The following BCL2 variants were observed in gnomAD, a reference collection of about 807,000 sequenced individuals.
BCL2 encodes apoptosis regulator Bcl-2.
Under a neutral mutation model 14.2 loss-of-function variants are expected in BCL2, and 1 was observed. The observed-to-expected ratio is 0.07, with a 90% confidence interval of 0.02 to 0.33. The LOEUF (loss-of-function observed/expected upper bound fraction) is 0.33. Ranked by LOEUF, BCL2 falls within the 10% of genes least tolerant of loss-of-function variation. The probability of loss-of-function intolerance (pLI) is 0.99; values close to 1 mark genes in which losing one functional copy is unlikely to be tolerated. For synonymous variants in BCL2, 151 were observed against 137.2 expected, an observed-to-expected ratio of 1.10 and a Z score of -0.70; for missense variants, 247 against 305.9, an observed-to-expected ratio of 0.81 and a Z score of 1.44.
At position 63,318,206 on chromosome 18, in the gene BCL2, C is replaced by T. The variant is rs2144321913; in HGVS notation, c.461G>A (p.Gly154Asp). Residue 154 changes from glycine to aspartate, a missense_variant, in exon 2 of 3, where the codon GGT becomes GAT. Gly to Asp is a moderately conservative substitution (Grantham distance 94). Transcript: ENST00000333681. The surrounding 1 kb of genome is among the most constrained non-coding windows in gnomAD (Gnocchi z 7.4). ...WGRIVAFFEF[G>D]GVMCVESVNR... ...GACGCTCTCCACACACATGACCCCA[C>T]CGAACTCAAAGAAGGCCACAATCCT... 1 of 1,614,224 alleles carries T rather than the reference C, an allele frequency of 6.2e-7. No individual in the cohort carries two copies. The highest frequency in any genetic ancestry group is 1.1e-5 in the South Asian group (1 of 91,088).
rs956723047 is a variant in BCL2, at chr18:63,129,906, C to T, written c.586-1147G>A. On this transcript the variant is annotated intron_variant, in intron 2 of 2. Transcript: ENST00000333681. The stretch of plus-strand genomic sequence containing the variant: ...TGGGGGTGGCTAGACTGGACGACCA[C>T]AACTCTGCATTTACTCAAATTGTGG... Among the ~76,000 whole-genome samples the T allele has an allele frequency of 3.3e-5, 5 of 152,166 alleles. No individual in the cohort carries two copies. The East Asian group carries it at 5.8e-4, about 18-fold the overall frequency.
chr18:63,292,316 C>A (rs1912675344), intron 2 of BCL2, among the ~76,000 whole-genome samples: 1 of 151,968 alleles, frequency 6.6e-6, no homozygotes, highest in Non-Finnish European at 1.5e-5. Context: ...TGGGACCATC[C>A]TGGCCTACCC....
At chr18:63,287,035 C>T (rs1035462668) in intron 2 of BCL2, among the ~76,000 whole-genome samples, 11 of 152,180 alleles carry the variant, frequency 7.2e-5, no homozygotes, top group African/African-American at 2.7e-4. Context: ...CCCTCTCCAG[C>T]GTTTTGCTTC....
At chr18:63,138,830 T>A (rs936443113) in intron 2 of BCL2, among the ~76,000 whole-genome samples, 2 of 152,216 alleles carry the variant, frequency 1.3e-5, no homozygotes, top group Admixed American at 1.3e-4. Context: ...CCAGGGAAGT[T>A]CTGGTGTGTT....
At chr18:63,281,503 A>C (rs1031319464) in intron 2 of BCL2, among the ~76,000 whole-genome samples, 1 of 151,694 alleles carries the variant, frequency 6.6e-6, no homozygotes, top group Non-Finnish European at 1.5e-5. Context: ...CTGTCTCTAC[A>C]AAAAAATACA....
chr18:63,219,170 T>C (rs995479263), intron 2 of BCL2, among the ~76,000 whole-genome samples: 3 of 152,204 alleles, frequency 2.0e-5, no homozygotes, highest in African/African-American at 4.8e-5. Context: ...ATTCTCCAAA[T>C]ATGGCTTGCA....
chr18:63,193,772 C>T (rs757378877), intron 2 of BCL2, among the ~76,000 whole-genome samples: 4 of 151,880 alleles, frequency 2.6e-5, no homozygotes, highest in Non-Finnish European at 2.9e-5. Context: ...GTATGGTGGT[C>T]CATATATCAA....
chr18:63,245,434 C>T (rs1361167127), intron 2 of BCL2, among the ~76,000 whole-genome samples: 2 of 152,216 alleles, frequency 1.3e-5, no homozygotes, highest in Non-Finnish European at 2.9e-5. Flanking sequence ...CACCTTCTCT[C>T]ACTGTAGATT....
intron 2 of BCL2, among the ~76,000 whole-genome samples, chr18:63,181,325 A>G (rs1472914435): frequency 1.3e-5 from 2 of 152,178 alleles, no homozygotes; most frequent in East Asian, 1.9e-4. Flanking sequence ...CACTGAAATC[A>G]TTAGAAAGAG....
At chr18:63,205,832 T>C (rs905779448) in intron 2 of BCL2, among the ~76,000 whole-genome samples, 5 of 152,142 alleles carry the variant, frequency 3.3e-5, no homozygotes, top group African/African-American at 1.2e-4. Flanking sequence ...CATGGGGATA[T>C]AGAGGCAGAA....
intron 2 of BCL2, among the ~76,000 whole-genome samples, chr18:63,249,890 G>C (rs1911258842): frequency 6.6e-6 from 1 of 151,996 alleles, no homozygotes; most frequent in South Asian, 2.1e-4. Flanking sequence ...AGGAATTAGA[G>C]GAGCAGGCCC....
chr18:63,318,482 G>A lies in BCL2; in HGVS notation c.185C>T (p.Ser62Phe), dbSNP rs747696230. The change falls in exon 2 of 3, where the codon TCC becomes TTC. Residue 62 changes from serine (S) to phenylalanine (F), a missense_variant. By Grantham distance (155) the Ser-to-Phe change is radical. Transcript: ENST00000333681. This position sits in a 1 kb window ranked among gnomAD's most constrained non-coding sequence, Gnocchi z 7.4. ...CGAGGTCCTGGCGACCGGGTCCCGG[G>A]ATGCGGCTGGATGGGGCGTGTGCCC... ...QPGHTPHPAA[S>F]RDPVARTSPL... 76 of 1,488,518 alleles carry A rather than the reference G, an allele frequency of 5.1e-5. No individual in the cohort carries two copies. Among genetic ancestry groups the A allele is most frequent in the Middle Eastern group, 3.7e-4 (2 of 5,372 alleles). 92.2% of individuals were successfully genotyped at this position (1,488,518 alleles called of 1,614,324 possible). A position where few individuals can be genotyped will look rare whatever the true frequency, so the allele number is the denominator to read the frequency against.
intron 2 of BCL2, among the ~76,000 whole-genome samples, chr18:63,204,492 A>G (rs1418730932): frequency 1.3e-5 from 2 of 152,204 alleles, no homozygotes; most frequent in African/African-American, 4.8e-5. Flanking sequence ...GACTCTCCCA[A>G]CAACCTGCTA....
At position 63,149,969 on chromosome 18, in the gene BCL2, TC is replaced by T. The variant is rs1459125500; in HGVS notation, c.586-21211del. Among the ~76,000 whole-genome samples the T allele has an allele frequency of 6.6e-6, 1 of 152,080 alleles. No individual in the cohort carries two copies. Among genetic ancestry groups the T allele is most frequent in the Non-Finnish European group, 1.5e-5 (1 of 68,024 alleles). On this transcript the variant is annotated intron_variant, in intron 2 of 2. Coordinates refer to ENST00000333681, the MANE Select transcript of BCL2 (RefSeq NM_000633.3). This position sits in a 1 kb window ranked among gnomAD's most constrained non-coding sequence, Gnocchi z 4.2. ...ATCTCGGCTCACTGCAGCCTCTGCC[TC>T]CCAGGTTCAAGCAATTCTCCTGCCT...
At chr18:63,133,319 A>ATTTT (rs34022610) in intron 2 of BCL2, among the ~76,000 whole-genome samples, 29,350 of 102,508 alleles carry the variant, frequency 0.29, 5,564 homozygotes, top group Admixed American at 0.37. Flanking sequence ...ACCTTCAAGA[A>ATTTT]TTTTTTTTTT....
intron 2 of BCL2, among the ~76,000 whole-genome samples, chr18:63,300,345 A>C (rs1430161959): frequency 6.6e-6 from 1 of 151,926 alleles, no homozygotes; most frequent in Non-Finnish European, 1.5e-5. Flanking sequence ...TATTTAACAC[A>C]CACACATTCA....
intron 2 of BCL2, among the ~76,000 whole-genome samples, chr18:63,311,626 T>G (rs566693978): frequency 6.6e-6 from 1 of 152,282 alleles, no homozygotes; most frequent in South Asian, 2.1e-4. Flanking sequence ...GATTATTAAC[T>G]AAAAATGGAA....
At chr18:63,198,809 A>T (rs199830892) in intron 2 of BCL2, among the ~76,000 whole-genome samples, 24 of 11,148 alleles carry the variant, frequency 2.2e-3, no homozygotes, top group Admixed American at 4.5e-3. Context: ...ACTGACACAG[A>T]GACACACAGA....
intron 2 of BCL2, among the ~76,000 whole-genome samples, chr18:63,271,141 A>C (rs1193285754): frequency 1.3e-5 from 2 of 152,252 alleles, no homozygotes; most frequent in African/African-American, 4.8e-5. Context: ...TACTTTTAAA[A>C]CACCAAAATA....
Sources: gnomAD v4.1 joint callset for allele counts (sites outside exome capture counted in the v4.1 genomes callset) on GRCh38, gnomAD v4.1.1 for gene constraint, Gnocchi (gnomAD v3.1) non-coding constraint, MANE v1.5 for transcripts, NCBI Gene and HGNC (gene_info 2026-07-23, HGNC 2026-07-21) for gene names.